Variants in ZYX observed in about 807,000 individuals in gnomAD.
ZYX encodes the protein zyxin-2.
A neutral mutation model predicts 58.1 loss-of-function variants in ZYX; 37 were observed. That is an observed-to-expected ratio of 0.64 (90% confidence interval 0.49 to 0.84). The LOEUF (loss-of-function observed/expected upper bound fraction) is 0.84. Ranked by LOEUF, ZYX falls within the 40% of genes least tolerant of loss-of-function variation. The pLI, the probability that ZYX is intolerant of heterozygous loss-of-function variation, is 0.00. For missense variants in ZYX, 762 were observed against 761.6 expected (o/e 1.00, Z -0.01); for synonymous variants, 324 against 321.1 (o/e 1.01, Z -0.10).
rs1804988318 is a variant in ZYX at position 143,389,360 on chromosome 7, G to A, written c.1493+415G>A. Among the ~76,000 whole-genome samples the A allele has an allele frequency of 6.6e-6, 1 of 152,202 alleles. No individual in the cohort carries two copies. Among genetic ancestry groups the A allele is most frequent in the South Asian group, 2.1e-4 (1 of 4,824 alleles). On this transcript the variant is annotated intron_variant, in intron 8 of 9. Transcript: ENST00000322764. The surrounding 1 kb of genome is among the most constrained non-coding windows in gnomAD (Gnocchi z 5.6). ...ACCCGCAGAACCTCAGTGCAGCTGT[G>A]GGAACAGTGCAGAATCTGACCCCCA...
At position 143,389,889 on chromosome 7, in the gene ZYX, A is replaced by G. The variant is rs745756020; in HGVS notation, c.1526A>G (p.Glu509Gly). ...QYAPRCSVCS[E>G]PIMPEPGRDE... ...GCCCCGAGGTGCTCCGTCTGCTCTG[A>G]GCCCATCATGCCTGAGCCTGGCCGA... Residue 509 changes from glutamate (E) to glycine (G), a missense_variant, in exon 9 of 10, where the codon GAG becomes GGG. Glu to Gly is a moderately conservative substitution (Grantham distance 98). Coordinates refer to ENST00000322764, the MANE Select transcript of ZYX (RefSeq NM_003461.5). The surrounding 1 kb of genome is among the most constrained non-coding windows in gnomAD (Gnocchi z 5.6). The G allele has an allele frequency of 1.9e-6, 3 of 1,614,034 alleles. No individual in the cohort carries two copies. In the African/African-American group the frequency reaches 4.0e-5, roughly 22 times the overall value.
rs1016080968 is a variant in ZYX, at chr7:143,387,189, T to C, written c.1024-1030T>C. ...GCTAAGATCTGGAGAGTTGGACTTA[T>C]ATGGACGCATGCTTCACTGGGCAGA... On this transcript the variant is annotated intron_variant, in intron 5 of 9. Coordinates refer to ENST00000322764, the MANE Select transcript of ZYX (RefSeq NM_003461.5). This position sits in a 1 kb window ranked among gnomAD's most constrained non-coding sequence, Gnocchi z 5.8. Among the ~76,000 whole-genome samples, 6 of 151,998 alleles carry C rather than the reference T, an allele frequency of 3.9e-5. No homozygotes were observed. Among genetic ancestry groups the C allele is most frequent in the East Asian group, 1.9e-4 (1 of 5,166 alleles).
rs935211780 is a variant in ZYX at position 143,390,752 on chromosome 7, C to G, written c.*70C>G. ...GACCACCCACACTGAGACCACCTGC[C>G]CCCACCTCAGTTATTGTTTTGATGT... On this transcript the variant is annotated 3_prime_UTR_variant, in exon 10 of 10. Transcript: ENST00000322764. The surrounding 1 kb of genome is among the most constrained non-coding windows in gnomAD (Gnocchi z 4.3). 8 of 1,149,780 alleles carry G rather than the reference C, an allele frequency of 7.0e-6. No individual in the cohort carries two copies. The highest frequency in any genetic ancestry group is 1.0e-5 in the Non-Finnish European group (8 of 789,372). The allele number at this position is 1,149,780 out of a possible 1,614,324, so 71.2% of individuals were successfully genotyped here.
intron 2 of ZYX, 68 bp from the exon 3 acceptor site, chr7:143,382,180 T>A: frequency 7.3e-7 from 1 of 1,362,408 alleles, no homozygotes. Flanking sequence ...GTTAGAGCGG[T>A]TAACTGAGGG....
Position 143,387,939 on chromosome 7 carries a change from G to A in ZYX, c.1024-280G>A. ...TGTGTGCGTGGCCTCCGTCCGCCCA[G>A]TCATTCTGGCCTGTCTGTGACTGCT... is the stretch of plus-strand genomic sequence containing the variant. On this transcript the variant is annotated intron_variant, in intron 5 of 9. Coordinates refer to ENST00000322764, the MANE Select transcript of ZYX (RefSeq NM_003461.5). The surrounding 1 kb of genome is among the most constrained non-coding windows in gnomAD (Gnocchi z 5.8). 1 of 553,222 alleles carries A rather than the reference G, an allele frequency of 1.8e-6. No homozygotes were observed. Among genetic ancestry groups the A allele is most frequent in the South Asian group, 1.6e-5 (1 of 63,486 alleles). The allele number at this position is 553,222 out of a possible 1,614,324, so 34.3% of individuals were successfully genotyped here.
Position 143,382,977 on chromosome 7 carries a change from C to G in ZYX, c.678C>G (p.Pro226=). ...GCCAGACACAGTTCCATGTTCAGCC[C>G]CAGCCCCAGCCCAAGCCTCAGGTCC... ...AQSQTQFHVQ[P]QPQPKPQVQL... Residue 226 remains proline (P), a synonymous_variant, in exon 5 of 10, where the codon CCC becomes CCG. Coordinates refer to ENST00000322764, the MANE Select transcript of ZYX (RefSeq NM_003461.5). 1 of 1,613,360 alleles carries G rather than the reference C, an allele frequency of 6.2e-7. No individual in the cohort carries two copies. Among genetic ancestry groups the G allele is most frequent in the Non-Finnish European group, 8.5e-7 (1 of 1,179,448 alleles).
At chr7:143,383,368 C>T (rs767314296) in intron 5 of ZYX, 46 bp downstream of exon 5, 36 of 1,536,142 alleles carry the variant, frequency 2.3e-5, no homozygotes, top group Non-Finnish European at 3.1e-5. Context: ...GGCACTGGGG[C>T]GGGGCTGGGT....
chr7:143,385,139 T>G (rs1190117865), intron 5 of ZYX, among the ~76,000 whole-genome samples: 1 of 151,766 alleles, frequency 6.6e-6, no homozygotes, highest in Admixed American at 6.6e-5. Flanking sequence ...TTTGAGGGAG[T>G]GAGGACTCAA....
In ZYX at chr7:143,387,377, A is replaced by G. The variant is rs4726617; in HGVS notation, c.1024-842A>G. 0.35 allele frequency among the ~76,000 whole-genome samples: 53,849 copies of G among 151,870 alleles called. 11,117 individuals carry two copies. Among genetic ancestry groups the G allele is most frequent in the East Asian group, 0.66 (3,404 of 5,138 alleles). ...GTAGCACACTCAGTGATGGGGCCAC[A>G]GTCCTGGGTAGGCTTTTCCAGACAT... On this transcript the variant is annotated intron_variant, in intron 5 of 9. Coordinates refer to ENST00000322764, the MANE Select transcript of ZYX (RefSeq NM_003461.5). The surrounding 1 kb of genome is among the most constrained non-coding windows in gnomAD (Gnocchi z 5.8).
Position 143,387,943 on chromosome 7 carries a change from T to G in ZYX, c.1024-276T>G. 3.6e-6 allele frequency: 2 copies of G among 550,566 alleles called. No homozygotes were observed. Among genetic ancestry groups the G allele is most frequent in the Non-Finnish European group, 3.5e-6 (1 of 287,728 alleles). 34.1% of individuals were successfully genotyped at this position (550,566 alleles called of 1,614,324 possible). A position where few individuals can be genotyped will look rare whatever the true frequency, so the allele number is the denominator to read the frequency against. ...TGCGTGGCCTCCGTCCGCCCAGTCA[T>G]TCTGGCCTGTCTGTGACTGCTCAGG... On this transcript the variant is annotated intron_variant, in intron 5 of 9. Coordinates refer to ENST00000322764, the MANE Select transcript of ZYX (RefSeq NM_003461.5). The surrounding 1 kb of genome is among the most constrained non-coding windows in gnomAD (Gnocchi z 5.8).
At position 143,390,216 on chromosome 7, in the gene ZYX, C is replaced by T; in HGVS notation, c.1614+239C>T. On this transcript the variant is annotated intron_variant, in intron 9 of 9. Coordinates refer to ENST00000322764, the MANE Select transcript of ZYX (RefSeq NM_003461.5). This position sits in a 1 kb window ranked among gnomAD's most constrained non-coding sequence, Gnocchi z 4.3. The stretch of plus-strand genomic sequence containing the variant: ...GGATAAGCCAAGAAATGGGACAAGC[C>T]AATAGGAGAGAAGAAGGGCATGGTG... 1.8e-6 allele frequency: 1 copy of T among 570,342 alleles called. No individual in the cohort carries two copies. Among genetic ancestry groups the T allele is most frequent in the Non-Finnish European group, 3.1e-6 (1 of 322,368 alleles). The allele number at this position is 570,342 out of a possible 1,614,324, so 35.3% of individuals were successfully genotyped here.
In ZYX at chr7:143,388,379, C is replaced by T; in HGVS notation, c.1144+40C>T. 4 of 1,612,270 alleles carry T rather than the reference C, an allele frequency of 2.5e-6. No individual in the cohort carries two copies. Among genetic ancestry groups the T allele is most frequent in the Non-Finnish European group, 2.5e-6 (3 of 1,178,890 alleles). Reference sequence around the variant, plus strand: ...CCGGGACACCCCCACCCTGCCCCCACATCACGGTGGGGGCCAGGGCTGTGG... The same window carrying T: ...CCGGGACACCCCCACCCTGCCCCCATATCACGGTGGGGGCCAGGGCTGTGG... On this transcript the variant is annotated intron_variant, in intron 6 of 9. Transcript: ENST00000322764. This position sits in a 1 kb window ranked among gnomAD's most constrained non-coding sequence, Gnocchi z 7.5.
chr7:143,385,490 ACATGTGTG>A (rs1246283382), intron 5 of ZYX, among the ~76,000 whole-genome samples: 1 of 150,766 alleles, frequency 6.6e-6, no homozygotes, highest in Non-Finnish European at 1.5e-5. Flanking sequence ...GTATATGAGT[ACATGTGTG>A]CATGTGTGAG....
Position 143,382,483 on chromosome 7 carries a change from C to A in ZYX, c.408+36C>A, listed in dbSNP as rs776788126. 4.4e-6 allele frequency: 7 copies of A among 1,587,934 alleles called. No individual in the cohort carries two copies. In the Admixed American group the frequency reaches 1.2e-4, roughly 27 times the overall value. ...CTGGGAGGGGCGGCTGCACTGGACACCCCCAAGGAGAGGAGAAGAGGGCCC... is the reference window on the plus strand; with the variant it reads ...CTGGGAGGGGCGGCTGCACTGGACAACCCCAAGGAGAGGAGAAGAGGGCCC... On this transcript the variant is annotated intron_variant, in intron 3 of 9. Coordinates refer to ENST00000322764, the MANE Select transcript of ZYX (RefSeq NM_003461.5).
chr7:143,381,392 C>T lies in ZYX; in HGVS notation c.-33C>T. 1 of 1,188,170 alleles carries T rather than the reference C, an allele frequency of 8.4e-7. No individual in the cohort carries two copies. The highest frequency in any genetic ancestry group is 1.0e-6 in the Non-Finnish European group (1 of 958,254). The allele number at this position is 1,188,170 out of a possible 1,614,324, so 73.6% of individuals were successfully genotyped here. On this transcript the variant is annotated 5_prime_UTR_variant, in exon 1 of 10. Coordinates refer to ENST00000322764, the MANE Select transcript of ZYX (RefSeq NM_003461.5). ...CGAGGCGGCCACCCGAGACGCGGCG[C>T]GCACGCTCCGGCCTGCGGTGAGGCG...
Position 143,388,644 on chromosome 7 carries a change from G to A in ZYX, c.1300G>A (p.Glu434Lys), listed in dbSNP as rs762814445. Residue 434 changes from glutamate to lysine, a missense_variant, in exon 7 of 10, where the codon GAG becomes AAG. Physicochemically the swap from Glu to Lys is moderately conservative, Grantham distance 56 (BLOSUM62 1). Transcript: ENST00000322764. This position sits in a 1 kb window ranked among gnomAD's most constrained non-coding sequence, Gnocchi z 7.5. ...FYSLEGAPYC[E>K]GCYTDTLEKC... ...CAGTCTGGAGGGGGCGCCGTACTGC[G>A]AGGGCTGTTACACTGTGAGTCGGGC... is the stretch of plus-strand genomic sequence containing the variant. 9 of 1,613,628 alleles carry A rather than the reference G, an allele frequency of 5.6e-6. No individual in the cohort carries two copies. In the South Asian group the frequency reaches 6.6e-5, roughly 12 times the overall value.
Position 143,387,653 on chromosome 7 carries a change from C to T in ZYX, c.1024-566C>T, listed in dbSNP as rs1804912271. 3 of 469,088 alleles carry T rather than the reference C, an allele frequency of 6.4e-6. No individual in the cohort carries two copies. The highest frequency in any genetic ancestry group is 3.1e-5 in the South Asian group (2 of 64,452). The allele number at this position is 469,088 out of a possible 1,614,324, so 29.1% of individuals were successfully genotyped here. A position where few individuals can be genotyped will look rare whatever the true frequency, so the allele number is the denominator to read the frequency against. ...ACCTGAGTGAGGTAGTTCAGAGGCC[C>T]CTCACTCGAGGGACAGGGTCTCTGT... On this transcript the variant is annotated intron_variant, in intron 5 of 9. Transcript: ENST00000322764. The surrounding 1 kb of genome is among the most constrained non-coding windows in gnomAD (Gnocchi z 5.8).
In ZYX at chr7:143,388,864, TGGTCTGCGCCC is replaced by T; in HGVS notation, c.1414_1424del (p.Val472ProfsTer34). 3.1e-6 allele frequency: 5 copies of T among 1,613,974 alleles called. No individual in the cohort carries two copies. Among genetic ancestry groups the T allele is most frequent in the Non-Finnish European group, 4.2e-6 (5 of 1,179,992 alleles). On this transcript the variant is annotated frameshift_variant, in exon 8 of 10. Transcript: ENST00000322764. LOFTEE classifies it high-confidence loss of function. The surrounding 1 kb of genome is among the most constrained non-coding windows in gnomAD (Gnocchi z 7.5). ...TATCACCCGCACTGCTTCACCTGTG[TGGTCTGCGCCC>T]GCCCCCTGGAGGGCACCTCCTTCAT... is the stretch of plus-strand genomic sequence containing the variant.
In ZYX at chr7:143,381,742, G is replaced by T; in HGVS notation, c.171G>T (p.Met57Ile). 6.3e-7 allele frequency: 1 copy of T among 1,591,110 alleles called. No individual in the cohort carries two copies. Among genetic ancestry groups the T allele is most frequent in the Non-Finnish European group, 8.6e-7 (1 of 1,169,072 alleles). The change falls in exon 2 of 10, where the codon ATG becomes ATT. Residue 57 changes from methionine (M) to isoleucine (I), a missense_variant. Transcript: ENST00000322764. ...PPAPGAQRAQ[M>I]GRVGEIPPPP... is the part of the protein sequence containing the mutation. ...CACCCGGGGCCCAGCGCGCACAGAT[G>T]GGCCGGGTGGGCGAGATTCCCCCGC...
Sources: allele counts gnomAD v4.1 joint callset (sites outside exome capture counted in the v4.1 genomes callset), GRCh38; gene constraint gnomAD v4.1.1; non-coding constraint Gnocchi (gnomAD v3.1); transcripts MANE v1.5; gene names NCBI Gene and HGNC (gene_info 2026-07-23, HGNC 2026-07-21).